DOCK3: variants seen among roughly 807,000 people sequenced by gnomAD.
The protein encoded by DOCK3 is dedicator of cytokinesis protein 3.
A neutral mutation model predicts 265.6 loss-of-function variants in DOCK3; 60 were observed. The ratio of observed to expected loss-of-function variants is 0.23; its 90% CI spans 0.18 to 0.28. The LOEUF is 0.28. Ranked by LOEUF, DOCK3 falls within the 10% of genes least tolerant of loss-of-function variation. The probability of loss-of-function intolerance (pLI) is 1.00; values close to 1 mark genes in which losing one functional copy is unlikely to be tolerated. For synonymous variants in DOCK3, 881 were observed against 938.0 expected, an observed-to-expected ratio of 0.94 and a Z score of 1.11; for missense variants, 1,981 against 2,594.3, an observed-to-expected ratio of 0.76 and a Z score of 5.14.
At chr3:50,819,696 T>G (rs1463916974) in intron 2 of DOCK3, among the ~76,000 whole-genome samples, 1 of 152,214 alleles carries the variant, frequency 6.6e-6, no homozygotes. Flanking sequence ...GCACAGTGGC[T>G]CATGCCTGTA....
chr3:51,130,206 C>T (rs1033854618), intron 9 of DOCK3, among the ~76,000 whole-genome samples: 2 of 152,230 alleles, frequency 1.3e-5, no homozygotes, highest in African/African-American at 4.8e-5. Flanking sequence ...ATTTCTTGCT[C>T]ACTGGATCTA....
At chr3:50,932,003 T>TCC (rs2051093652) in intron 4 of DOCK3, among the ~76,000 whole-genome samples, 1 of 152,210 alleles carries the variant, frequency 6.6e-6, no homozygotes, top group African/African-American at 2.4e-5. Context: ...GGTACTCTTG[T>TCC]CCATAAGTTG....
intron 37 of DOCK3, among the ~76,000 whole-genome samples, chr3:51,340,617 A>G (rs571038613): frequency 1.3e-5 from 2 of 152,228 alleles, no homozygotes; most frequent in African/African-American, 2.4e-5. Flanking sequence ...GATGCCCACT[A>G]AAAATGAACA....
chr3:51,042,147 C>G (rs2080559351), intron 5 of DOCK3, among the ~76,000 whole-genome samples: 1 of 152,188 alleles, frequency 6.6e-6, no homozygotes, highest in South Asian at 2.1e-4. Context: ...AAACTTCAGG[C>G]CAATATCGTT....
intron 1 of DOCK3, among the ~76,000 whole-genome samples, chr3:50,689,907 C>T (rs953963756): frequency 1.3e-5 from 2 of 152,046 alleles, no homozygotes; most frequent in African/African-American, 2.4e-5. Flanking sequence ...AATATTTCTC[C>T]CATTCTGTGG....
At chr3:51,068,516 G>A (rs1482214738) in intron 6 of DOCK3, among the ~76,000 whole-genome samples, 1 of 143,320 alleles carries the variant, frequency 7.0e-6, no homozygotes, top group Non-Finnish European at 1.5e-5. Flanking sequence ...CTCCAGCCTG[G>A]GCGACAGAGC....
At chr3:50,740,743 T>G (rs1355576892) in intron 1 of DOCK3, among the ~76,000 whole-genome samples, 2 of 152,190 alleles carry the variant, frequency 1.3e-5, no homozygotes, top group Non-Finnish European at 1.5e-5. Flanking sequence ...TTAATTTATT[T>G]GTCATGCATT....
At chr3:50,719,625 T>C (rs2037351880) in intron 1 of DOCK3, 1 of 1,558,038 alleles carries the variant, frequency 6.4e-7, no homozygotes, top group Non-Finnish European at 8.8e-7. Context: ...CACTGAGGTC[T>C]TGGCAGTGCA....
chr3:50,720,542 G>T (rs2037413640), intron 1 of DOCK3, among the ~76,000 whole-genome samples: 1 of 152,154 alleles, frequency 6.6e-6, no homozygotes, highest in Non-Finnish European at 1.5e-5. Context: ...GTCTGGCATT[G>T]ATGGGCTTTT....
chr3:51,194,148 G>A (rs1273622962), intron 12 of DOCK3, among the ~76,000 whole-genome samples: 1 of 151,898 alleles, frequency 6.6e-6, no homozygotes, highest in Non-Finnish European at 1.5e-5. Context: ...CCATCTTAAT[G>A]TCCTTGGTGA....
chr3:50,966,089 T>G (rs2077022747), intron 5 of DOCK3, among the ~76,000 whole-genome samples: 1 of 152,150 alleles, frequency 6.6e-6, no homozygotes, highest in African/African-American at 2.4e-5. Context: ...TTTATGTGTT[T>G]GGCTTATTTC....
intron 5 of DOCK3, among the ~76,000 whole-genome samples, chr3:50,956,666 A>G (rs781776368): frequency 2.6e-5 from 4 of 152,108 alleles, no homozygotes; most frequent in Non-Finnish European, 5.9e-5. Context: ...GAGGAGTGTC[A>G]TGGCCAAGCT....
chr3:51,102,921 T>A (rs981188013), intron 9 of DOCK3, among the ~76,000 whole-genome samples: 13 of 152,192 alleles, frequency 8.5e-5, no homozygotes, highest in Admixed American at 5.9e-4. Context: ...CCAAATATGT[T>A]TCCCTCTGAG....
intron 5 of DOCK3, among the ~76,000 whole-genome samples, chr3:50,977,163 T>G (rs1397900445): frequency 6.9e-6 from 1 of 145,718 alleles, no homozygotes; most frequent in African/African-American, 2.5e-5. Context: ...AATATTGTTA[T>G]GTGTGAATTT....
intron 1 of DOCK3, among the ~76,000 whole-genome samples, chr3:50,773,323 T>C (rs910333928): frequency 1.3e-5 from 2 of 152,126 alleles, no homozygotes; most frequent in Admixed American, 1.3e-4. Flanking sequence ...GACCTGAAAC[T>C]ATAAAACTAC....
At chr3:51,307,876 TG>T (rs67688346) in intron 27 of DOCK3, among the ~76,000 whole-genome samples, 82,107 of 116,144 alleles carry the variant, frequency 0.71, 29,347 homozygotes, top group South Asian at 0.81. Context: ...TTAAATTATA[TG>T]GGTTTTTTTT....
chr3:51,225,849 C>T (rs1317517590), intron 15 of DOCK3, 76 bp downstream of exon 15: 1 of 1,506,330 alleles, frequency 6.6e-7, no homozygotes, highest in African/African-American at 1.4e-5. Context: ...TCCAGAGGCC[C>T]ATTCTCTTCA....
chr3:51,178,648 G>T (rs1419072901), intron 12 of DOCK3, among the ~76,000 whole-genome samples: 1 of 152,158 alleles, frequency 6.6e-6, no homozygotes, highest in East Asian at 1.9e-4. Context: ...TCTTCACAGG[G>T]ATAGAAGAGT....
intron 5 of DOCK3, among the ~76,000 whole-genome samples, chr3:50,976,587 T>G (rs2077459400): frequency 6.7e-6 from 1 of 148,306 alleles, no homozygotes; most frequent in South Asian, 2.2e-4. Context: ...TTGGAATAGG[T>G]GTGGTGTGGT....
Sources: allele counts gnomAD v4.1 joint callset (sites outside exome capture counted in the v4.1 genomes callset), GRCh38; gene constraint gnomAD v4.1.1; transcripts MANE v1.5; gene names NCBI Gene and HGNC (gene_info 2026-07-23, HGNC 2026-07-21).